Variants in GALNTL5 observed in about 807,000 individuals in gnomAD.
GALNTL5 encodes the protein inactive polypeptide N-acetylgalactosaminyltransferase-like protein 5.
GALNTL5 carries 44 observed loss-of-function variants against 51.0 expected under a neutral mutation model. The observed-to-expected ratio is 0.86, with a 90% CI of 0.68 to 1.11. The LOEUF (loss-of-function observed/expected upper bound fraction) is 1.11. Among genes scored for constraint, GALNTL5 ranks in the 50% least tolerant of loss-of-function variants. The pLI, the probability that GALNTL5 is intolerant of heterozygous loss-of-function variation, is 0.00. For missense variants in GALNTL5, 528 were observed against 531.8 expected (o/e 0.99, Z 0.07); for synonymous variants, 192 against 182.8 (o/e 1.05, Z -0.41).
intron 1 of GALNTL5, chr7:151,960,336 G>A (rs1193628913): frequency 6.6e-6 from 1 of 152,240 alleles, no homozygotes; most frequent in Non-Finnish European, 1.5e-5. Context: ...ATCAGCCACA[G>A]TATGCCAGGG....
At chr7:151,963,493 G>A (rs1456225590) in intron 1 of GALNTL5, among the ~76,000 whole-genome samples, 1 of 152,224 alleles carries the variant, frequency 6.6e-6, no homozygotes, top group African/African-American at 2.4e-5. Context: ...GGCCTCCCGG[G>A]TTCAAGCCAT....
At chr7:152,013,364 A>G (rs937781050) in intron 7 of GALNTL5, among the ~76,000 whole-genome samples, 3 of 152,176 alleles carry the variant, frequency 2.0e-5, no homozygotes, top group African/African-American at 7.2e-5. Flanking sequence ...AGAAAAAAAA[A>G]AACAAAAACT....
intron 3 of GALNTL5, among the ~76,000 whole-genome samples, chr7:151,979,368 C>T (rs934184741): frequency 1.3e-5 from 2 of 150,760 alleles, no homozygotes; most frequent in East Asian, 2.0e-4. Context: ...CCTGCCTCAG[C>T]CTCCCAAAGT....
In GALNTL5 at chr7:151,985,234, G is replaced by A. The variant is rs139454762; in HGVS notation, c.536-1925G>A. Among the ~76,000 whole-genome samples the A allele has an allele frequency of 3.2e-3, 485 of 152,256 alleles. 9 individuals are homozygous for A. In the East Asian group the frequency reaches 0.054, roughly 17 times the overall value. On this transcript the variant is annotated intron_variant, in intron 4 of 8. Transcript: ENST00000392800. ...TGGTGGGGACACAAACATACCGGCC[G>A]TAAGATCTGTCAACGTTCTCATACA...
chr7:151,994,049 G>C (rs1204225910), intron 5 of GALNTL5, among the ~76,000 whole-genome samples: 1 of 152,158 alleles, frequency 6.6e-6, no homozygotes, highest in South Asian at 2.1e-4. Context: ...AAGTTTCTTA[G>C]AGTTGTACTG....
chr7:151,972,793 A>C (rs1292548117), intron 3 of GALNTL5, among the ~76,000 whole-genome samples: 2 of 152,200 alleles, frequency 1.3e-5, no homozygotes, highest in Admixed American at 1.3e-4. Context: ...GGATATATGG[A>C]AACACCTGGA....
At chr7:151,980,713 C>CGT (rs1436801704) in intron 3 of GALNTL5, among the ~76,000 whole-genome samples, 1 of 149,496 alleles carries the variant, frequency 6.7e-6, no homozygotes, top group Non-Finnish European at 1.5e-5. Flanking sequence ...TTCCCCTTTC[C>CGT]GTGTGATTGC....
intron 1 of GALNTL5, among the ~76,000 whole-genome samples, chr7:151,964,550 G>A (rs74402919): frequency 2.8e-3 from 421 of 152,238 alleles, no homozygotes; most frequent in African/African-American, 5.9e-3. Flanking sequence ...CCATGGTGTG[G>A]CTTGCTCCTC....
intron 1 of GALNTL5, among the ~76,000 whole-genome samples, chr7:151,966,673 G>A (rs1052710764): frequency 6.6e-6 from 1 of 152,158 alleles, no homozygotes; most frequent in Non-Finnish European, 1.5e-5. Context: ...AGTCTCTTTA[G>A]GATATATCCC....
chr7:151,999,536 T>C (rs1332602903), intron 5 of GALNTL5, among the ~76,000 whole-genome samples: 1 of 152,212 alleles, frequency 6.6e-6, no homozygotes, highest in East Asian at 1.9e-4. Flanking sequence ...ATTTTTTAAG[T>C]TCTCGTCATC....
rs752414408 is a variant in GALNTL5 at position 151,971,107 on chromosome 7, AT to A, written c.368+43del. The A allele has an allele frequency of 3.5e-5, 41 of 1,162,342 alleles. No homozygotes were observed. The African/African-American group carries it at 5.1e-4, about 14-fold the overall frequency. The allele number at this position is 1,162,342 out of a possible 1,614,324, so 72.0% of individuals were successfully genotyped here. A position where few individuals can be genotyped will look rare whatever the true frequency, so the allele number is the denominator to read the frequency against. On this transcript the variant is annotated intron_variant, in intron 3 of 8. Coordinates refer to ENST00000392800, the MANE Select transcript of GALNTL5 (RefSeq NM_145292.4). ...TTTCTCTCATTCTCTAGATAGATAG[AT>A]AGATAGATAGATAGATAGATAGATA...
At chr7:151,983,258 A>C (rs1586825375) in intron 4 of GALNTL5, 106 bp downstream of exon 4, 1 of 914,696 alleles carries the variant, frequency 1.1e-6, no homozygotes, top group African/African-American at 1.6e-5. Flanking sequence ...GCTCACTGCA[A>C]CCTCTGCCTC....
At position 151,967,458 on chromosome 7, in the gene GALNTL5, A is replaced by C. The variant is rs1236809745; in HGVS notation, c.212A>C (p.Lys71Thr). 2 of 1,614,086 alleles carry C rather than the reference A, an allele frequency of 1.2e-6. No individual in the cohort carries two copies. The highest frequency in any genetic ancestry group is 3.3e-4 in the Middle Eastern group (2 of 6,062). ...ATACCAAAACCTCATGTAATAGTCA[A>C]AAGGACTGATGAAGATAAAGCAAAG... ...EQIPKPHVIV[K>T]RTDEDKAKSM... Residue 71 changes from lysine to threonine, a missense_variant, in exon 2 of 9, where the codon AAA becomes ACA. By Grantham distance (78) the Lys-to-Thr change is moderately conservative. Transcript: ENST00000392800.
intron 6 of GALNTL5, among the ~76,000 whole-genome samples, chr7:152,006,280 G>T (rs2081640784): frequency 6.6e-6 from 1 of 152,228 alleles, no homozygotes; most frequent in African/African-American, 2.4e-5. Context: ...ATGGCGGGAG[G>T]CGAAGCCTGA....
intron 1 of GALNTL5, among the ~76,000 whole-genome samples, chr7:151,965,316 T>G (rs2081045916): frequency 6.6e-6 from 1 of 152,222 alleles, no homozygotes; most frequent in South Asian, 2.1e-4. Context: ...TGATGTTCCC[T>G]CTACCGCTCT....
chr7:152,002,782 G>A lies in GALNTL5; in HGVS notation c.727G>A (p.Ala243Thr). The change falls in exon 6 of 9, where the codon GCC becomes ACC. Residue 243 changes from alanine (A) to threonine (T), a missense_variant. Transcript: ENST00000392800. ...AGTATGGCTGGAGCCCCTGCTGCAT[G>A]CCATTGCCAAGGACCCCAAAATGGT... ...NRVWLEPLLHAIAKDPKMVVC... is the reference protein window; with the variant it reads ...NRVWLEPLLHTIAKDPKMVVC... 1.2e-6 allele frequency: 2 copies of A among 1,614,156 alleles called. No homozygotes were observed. Among genetic ancestry groups the A allele is most frequent in the Non-Finnish European group, 1.7e-6 (2 of 1,180,008 alleles).
At chr7:151,994,771 T>G (rs1469133021) in intron 5 of GALNTL5, among the ~76,000 whole-genome samples, 1 of 151,992 alleles carries the variant, frequency 6.6e-6, no homozygotes, top group Non-Finnish European at 1.5e-5. Context: ...AATTTTTTTT[T>G]TTTTTTGACA....
At chr7:152,014,404 A>C (rs772477683) in intron 7 of GALNTL5, among the ~76,000 whole-genome samples, 1 of 152,158 alleles carries the variant, frequency 6.6e-6, no homozygotes, top group Non-Finnish European at 1.5e-5. Context: ...AGTAGCTGGG[A>C]TTACAGGCAT....
At chr7:152,012,496 G>A (rs551690913) in intron 7 of GALNTL5, among the ~76,000 whole-genome samples, 2 of 152,268 alleles carry the variant, frequency 1.3e-5, no homozygotes, top group African/African-American at 4.8e-5. Context: ...GAAAGCAGTT[G>A]GGAGATTTCT....
Sources: gnomAD v4.1 joint callset for allele counts (sites outside exome capture counted in the v4.1 genomes callset) on GRCh38, gnomAD v4.1.1 for gene constraint, MANE v1.5 for transcripts, NCBI Gene and HGNC (gene_info 2026-07-23, HGNC 2026-07-21) for gene names.